The following AGPAT3 variants were observed in gnomAD, a reference collection of about 807,000 sequenced individuals.
AGPAT3 encodes the protein 1-acyl-sn-glycerol-3-phosphate acyltransferase gamma.
In AGPAT3, 5 loss-of-function variants were observed where a neutral mutation model predicts 47.3. The ratio of observed to expected loss-of-function variants is 0.11; its 90% confidence interval spans 0.06 to 0.22. The LOEUF is 0.22. AGPAT3 is among the 10% of genes least tolerant of loss of function. The pLI, the probability that AGPAT3 is intolerant of heterozygous loss-of-function variation, is 1.00. For synonymous variants in AGPAT3, 212 were observed against 208.3 expected (o/e 1.02, Z -0.15); for missense variants, 315 against 493.0 (o/e 0.64, Z 3.42).
intron 1 of AGPAT3, among the ~76,000 whole-genome samples, chr21:43,866,456 C>T (rs889398793): frequency 1.3e-5 from 2 of 152,106 alleles, no homozygotes; most frequent in Non-Finnish European, 2.9e-5. Context: ...ATTGCAGGCG[C>T]GGCTGCTCCG....
intron 2 of AGPAT3, among the ~76,000 whole-genome samples, chr21:43,950,215 G>C (rs2088123995): frequency 6.6e-6 from 1 of 152,236 alleles, no homozygotes; most frequent in Admixed American, 6.5e-5. Flanking sequence ...CATTATTCCT[G>C]TTAGCATCAC....
chr21:43,974,478 C>A (rs1406474014), intron 7 of AGPAT3, among the ~76,000 whole-genome samples: 1 of 148,824 alleles, frequency 6.7e-6, no homozygotes, highest in Non-Finnish European at 1.5e-5. Flanking sequence ...CATGTGTGTG[C>A]AAAATGGGTG....
intron 2 of AGPAT3, among the ~76,000 whole-genome samples, chr21:43,942,583 G>T (rs567241620): frequency 6.6e-6 from 1 of 152,374 alleles, no homozygotes; most frequent in East Asian, 1.9e-4. Context: ...GGAACCCTCT[G>T]TGCTCGGTCC....
chr21:43,899,096 A>T (rs2086293861), intron 1 of AGPAT3, among the ~76,000 whole-genome samples: 1 of 151,944 alleles, frequency 6.6e-6, no homozygotes, highest in African/African-American at 2.4e-5. Flanking sequence ...CCCATCTGGG[A>T]TCTCTTTTTC....
At position 43,986,503 on chromosome 21, in the gene AGPAT3, A is replaced by G. The variant is rs2030313690; in HGVS notation, c.*4111A>G. The G allele has an allele frequency of 1.3e-5, 2 of 152,672 alleles. No individual in the cohort carries two copies. Among genetic ancestry groups the G allele is most frequent in the African/African-American group, 2.4e-5 (1 of 41,458 alleles). The allele number at this position is 152,672 out of a possible 1,614,324, so 9.5% of individuals were successfully genotyped here. ...GAGATACTGAAATGCACTAAATTGT[A>G]TTACATTAAACTGGAGTTACTTGAT... is the stretch of plus-strand genomic sequence containing the variant. On this transcript the variant is annotated 3_prime_UTR_variant, in exon 10 of 10. Transcript: ENST00000291572.
At chr21:43,890,199 C>T (rs1370241710) in intron 1 of AGPAT3, among the ~76,000 whole-genome samples, 6 of 152,212 alleles carry the variant, frequency 3.9e-5, no homozygotes, top group Non-Finnish European at 7.4e-5. Flanking sequence ...ATAGAGTTGT[C>T]GTGAGATCTG....
chr21:43,907,672 G>A (rs1033392110), intron 2 of AGPAT3, among the ~76,000 whole-genome samples: 5 of 152,158 alleles, frequency 3.3e-5, no homozygotes, highest in African/African-American at 7.2e-5. Flanking sequence ...AGCCGAGATC[G>A]CGCCACTGCA....
intron 3 of AGPAT3, chr21:43,967,719 C>T (rs929139540): frequency 1.3e-5 from 7 of 525,102 alleles, no homozygotes; most frequent in South Asian, 2.5e-5. Context: ...TGCAGAGTGG[C>T]GGTTCTCTCC....
chr21:43,909,878 G>A (rs902787335), intron 2 of AGPAT3, among the ~76,000 whole-genome samples: 1 of 152,172 alleles, frequency 6.6e-6, no homozygotes, highest in African/African-American at 2.4e-5. Context: ...CTATCTGAAC[G>A]CTAGCCCGGT....
rs899481713 is a variant in AGPAT3, at chr21:43,954,344, GT to G, written c.-48-5289del. On this transcript the variant is annotated intron_variant, in intron 2 of 9. Coordinates refer to ENST00000291572, the MANE Select transcript of AGPAT3 (RefSeq NM_020132.5). This position sits in a 1 kb window ranked among gnomAD's most constrained non-coding sequence, Gnocchi z 4.0. Reference sequence around the variant, plus strand: ...GGAGGTGGAACAGGGTACCTGCGAGGTCTGTGAGTGAAACTACACTGCTGGC... The same window carrying G: ...GGAGGTGGAACAGGGTACCTGCGAGGCTGTGAGTGAAACTACACTGCTGGC... Among the ~76,000 whole-genome samples, 9 of 152,188 alleles carry G rather than the reference GT, an allele frequency of 5.9e-5. No individual in the cohort carries two copies. Among genetic ancestry groups the G allele is most frequent in the Admixed American group, 4.6e-4 (7 of 15,282 alleles).
At chr21:43,969,473 C>T (rs949764837) in intron 5 of AGPAT3, among the ~76,000 whole-genome samples, 194 bp downstream of exon 5, 1 of 152,192 alleles carries the variant, frequency 6.6e-6, no homozygotes, top group Non-Finnish European at 1.5e-5. Context: ...CTGCTTGCTA[C>T]TCGCCGCAAT....
chr21:43,869,749 G>A (rs2085581384), intron 1 of AGPAT3, among the ~76,000 whole-genome samples: 1 of 152,226 alleles, frequency 6.6e-6, no homozygotes, highest in African/African-American at 2.4e-5. Context: ...ACCCCTGAAG[G>A]GGTCCCGAAG....
At chr21:43,975,566 G>T (rs572486917) in intron 7 of AGPAT3, among the ~76,000 whole-genome samples, 1 of 152,194 alleles carries the variant, frequency 6.6e-6, no homozygotes, top group Non-Finnish European at 1.5e-5. Context: ...ACCCTAGAGC[G>T]TGGAGACCTG....
intron 3 of AGPAT3, chr21:43,967,718 G>A: frequency 3.8e-6 from 2 of 527,008 alleles, no homozygotes; most frequent in Non-Finnish European, 6.8e-6. Context: ...ATGCAGAGTG[G>A]CGGTTCTCTC....
At chr21:43,881,844 C>T (rs562624974) in intron 1 of AGPAT3, among the ~76,000 whole-genome samples, 49 of 152,180 alleles carry the variant, frequency 3.2e-4, no homozygotes, top group African/African-American at 1.1e-3. Context: ...TTAATAGAGA[C>T]GGGGGTTTCA....
intron 2 of AGPAT3, among the ~76,000 whole-genome samples, chr21:43,914,533 T>G (rs549517218): frequency 4.6e-5 from 7 of 152,050 alleles, no homozygotes; most frequent in Admixed American, 2.6e-4. Flanking sequence ...GTAGAGGTTT[T>G]TTTTGTTTTG....
Position 43,981,287 on chromosome 21 carries a change from C to T in AGPAT3, c.1042+100C>T. On this transcript the variant is annotated intron_variant, in intron 9 of 9. Transcript: ENST00000291572. The surrounding 1 kb of genome is among the most constrained non-coding windows in gnomAD (Gnocchi z 5.3). ...GACTCATCACAGTGGCTGTGGGAGG[C>T]AGGGGCCTGGCTGTTATGGACCCTG... The T allele has an allele frequency of 7.5e-7, 1 of 1,328,498 alleles. No homozygotes were observed. The allele number at this position is 1,328,498 out of a possible 1,614,324, so 82.3% of individuals were successfully genotyped here.
intron 1 of AGPAT3, among the ~76,000 whole-genome samples, chr21:43,901,153 TTTTG>T: frequency 6.6e-6 from 1 of 152,044 alleles, no homozygotes; most frequent in East Asian, 1.9e-4. Context: ...ATATGTGTTC[TTTTG>T]TTTGTTTTAA....
Position 43,982,575 on chromosome 21 carries a change from T to C in AGPAT3, c.*183T>C. ...GGCCTGTCAGGTGAAGTCTTCAGCC[T>C]CCCACAGCGCAGGGTCCCAGCATCT... is the stretch of plus-strand genomic sequence containing the variant. On this transcript the variant is annotated 3_prime_UTR_variant, in exon 10 of 10. Coordinates refer to ENST00000291572, the MANE Select transcript of AGPAT3 (RefSeq NM_020132.5). The surrounding 1 kb of genome is among the most constrained non-coding windows in gnomAD (Gnocchi z 6.2). The C allele has an allele frequency of 1.9e-6, 1 of 520,910 alleles. No homozygotes were observed. The allele number at this position is 520,910 out of a possible 1,614,324, so 32.3% of individuals were successfully genotyped here. A position where few individuals can be genotyped will look rare whatever the true frequency, so the allele number is the denominator to read the frequency against.
Sources: allele counts gnomAD v4.1 joint callset (sites outside exome capture counted in the v4.1 genomes callset), GRCh38; gene constraint gnomAD v4.1.1; non-coding constraint Gnocchi (gnomAD v3.1); transcripts MANE v1.5; gene names NCBI Gene and HGNC (gene_info 2026-07-23, HGNC 2026-07-21).